PLEKHH2: variants seen among roughly 807,000 people sequenced by gnomAD.
PLEKHH2 encodes the protein pleckstrin homology domain-containing family H member 2.
A neutral mutation model predicts 187.9 loss-of-function variants in PLEKHH2; 129 were observed. That is an observed-to-expected ratio of 0.69 (90% confidence interval 0.59 to 0.79). The LOEUF (loss-of-function observed/expected upper bound fraction) is 0.79. Ranked by LOEUF, PLEKHH2 falls within the 30% of genes least tolerant of loss-of-function variation. PLEKHH2 has a pLI of 0.00. For missense variants in PLEKHH2, 2,076 were observed against 1,751.2 expected (o/e 1.19, Z -3.31); for synonymous variants, 686 against 605.6 (o/e 1.13, Z -1.95).
intron 14 of PLEKHH2, 179 bp from the exon 15 acceptor site, chr2:43,712,046 C>A (rs1470078400): frequency 1.6e-6 from 2 of 1,276,082 alleles, no homozygotes; most frequent in East Asian, 3.0e-5. Context: ...TGCTGTAATT[C>A]TCACAAAGTG....
chr2:43,646,242 T>C (rs1445408557), intron 2 of PLEKHH2, among the ~76,000 whole-genome samples: 1 of 152,130 alleles, frequency 6.6e-6, no homozygotes, highest in African/African-American at 2.4e-5. Context: ...CTAACGTAAC[T>C]TAGTGACTCA....
chr2:43,690,893 A>T (rs988889255), intron 3 of PLEKHH2, among the ~76,000 whole-genome samples: 3 of 152,250 alleles, frequency 2.0e-5, no homozygotes, highest in Non-Finnish European at 4.4e-5. Flanking sequence ...TAAAGGAGAG[A>T]AAAGTGAGAA....
chr2:43,700,604 C>G lies in PLEKHH2; in HGVS notation c.1646C>G (p.Ser549Cys). 6.2e-7 allele frequency: 1 copy of G among 1,604,238 alleles called. No homozygotes were observed. The highest frequency in any genetic ancestry group is 8.5e-7 in the Non-Finnish European group (1 of 1,177,494). The change falls in exon 8 of 30, where the codon TCT (serine) becomes TGT (cysteine). Residue 549 changes from serine to cysteine, a missense_variant. Ser to Cys is a moderately radical substitution (Grantham distance 112, BLOSUM62 -1). Transcript: ENST00000282406. ...ACTCCTCCCCTGCACCGTTTTCCTTCTTGGGTAATTATATCACCGCATGTA... is the reference window on the plus strand; with the variant it reads ...ACTCCTCCCCTGCACCGTTTTCCTTGTTGGGTAATTATATCACCGCATGTA... The part of the protein sequence containing the change: ...PPTPPLHRFP[S>C]WESRIYAVAK...
At chr2:43,679,603 C>T (rs572273223) in intron 3 of PLEKHH2, 15 of 285,988 alleles carry the variant, frequency 5.2e-5, no homozygotes, top group Admixed American at 1.0e-4. Context: ...TCAAGTGATT[C>T]TCCTGCCTCA....
Position 43,710,502 on chromosome 2 carries a change from G to C in PLEKHH2, c.2228G>C (p.Arg743Thr). 1 of 1,587,602 alleles carries C rather than the reference G, an allele frequency of 6.3e-7. No individual in the cohort carries two copies. Among genetic ancestry groups the C allele is most frequent in the South Asian group, 1.2e-5 (1 of 85,480 alleles). The change falls in exon 14 of 30, where the codon AGA becomes ACA. Residue 743 changes from arginine (R) to threonine (T), a missense_variant. Transcript: ENST00000282406. ...TGTTTCATACAGAGTGATGTAATTAGAAAACCCCAGGGCCATATTGAACTT... is the reference window on the plus strand; with the variant it reads ...TGTTTCATACAGAGTGATGTAATTACAAAACCCCAGGGCCATATTGAACTT... ...LYYKSPSDVI[R>T]KPQGHIELSA...
intron 2 of PLEKHH2, among the ~76,000 whole-genome samples, chr2:43,670,153 T>C (rs1004333704): frequency 5.3e-5 from 8 of 152,120 alleles, no homozygotes; most frequent in Admixed American, 3.3e-4. Context: ...AACAAAAACA[T>C]GACCTTTATA....
intron 2 of PLEKHH2, chr2:43,675,772 C>A (rs1558461001): frequency 6.2e-7 from 1 of 1,613,608 alleles, no homozygotes; most frequent in Admixed American, 1.7e-5. Flanking sequence ...TAAGACAATC[C>A]CTCCTTCCAC....
In PLEKHH2 at chr2:43,710,556, A is replaced by G. The variant is rs1174327944; in HGVS notation, c.2282A>G (p.Asp761Gly). ...LSASCSILRG[D>G]NKQTVQLTTE... is the part of the protein sequence containing the mutation. ...GCATCCTGTAGTATTTTAAGAGGAG[A>G]TAACAAACAAACAGTTCAGGTACTT... The change falls in exon 14 of 30, where the codon GAT (aspartate) becomes GGT (glycine). Residue 761 changes from aspartate to glycine, a missense_variant. Coordinates refer to ENST00000282406, the MANE Select transcript of PLEKHH2 (RefSeq NM_172069.4). 3 of 1,593,950 alleles carry G rather than the reference A, an allele frequency of 1.9e-6. No individual in the cohort carries two copies. Among genetic ancestry groups the G allele is most frequent in the Non-Finnish European group, 1.7e-6 (2 of 1,175,276 alleles).
In PLEKHH2 at chr2:43,756,669, C is replaced by T. The variant is rs190869791; in HGVS notation, c.3796-450C>T. ...TTTCAAAATTAGAATTCAAGCCAGG[C>T]GGTGGCTCTGGCTCACGCTTGCAAT... On this transcript the variant is annotated intron_variant, in intron 25 of 29. Transcript: ENST00000282406. 1.4e-4 allele frequency among the ~76,000 whole-genome samples: 21 copies of T among 152,194 alleles called. No homozygotes were observed. The East Asian group carries it at 2.7e-3, about 20-fold the overall frequency.
In PLEKHH2 at chr2:43,644,551, T is replaced by C. The variant is rs932374551; in HGVS notation, c.-3-120T>C. The C allele has an allele frequency of 6.6e-6, 5 of 762,766 alleles. No homozygotes were observed. The Admixed American group carries it at 1.4e-4, about 21-fold the overall frequency. 47.2% of individuals were successfully genotyped at this position (762,766 alleles called of 1,614,324 possible). A position where few individuals can be genotyped will look rare whatever the true frequency, so the allele number is the denominator to read the frequency against. On this transcript the variant is annotated intron_variant, in intron 1 of 29. Coordinates refer to ENST00000282406, the MANE Select transcript of PLEKHH2 (RefSeq NM_172069.4). The stretch of plus-strand genomic sequence containing the variant: ...TTTAAAATTTGTACATGGATCTCAC[T>C]AGACAGTGATTATAATGTGTACATT...
intron 1 of PLEKHH2, among the ~76,000 whole-genome samples, chr2:43,642,389 G>T (rs1319196058): frequency 1.3e-5 from 2 of 152,030 alleles, no homozygotes; most frequent in Non-Finnish European, 2.9e-5. Flanking sequence ...AATTTTCTAT[G>T]CACATGATCA....
chr2:43,730,675 A>C lies in PLEKHH2; in HGVS notation c.2831-815A>C, dbSNP rs191180663. ...CAGCCTCCCAAAGTGCTGGCATTAC[A>C]GGCATGAGCCACTGTGCCTGGCCTG... On this transcript the variant is annotated intron_variant, in intron 18 of 29. Coordinates refer to ENST00000282406, the MANE Select transcript of PLEKHH2 (RefSeq NM_172069.4). 1.9e-3 allele frequency among the ~76,000 whole-genome samples: 294 copies of C among 152,334 alleles called. 3 individuals carry two copies. Among genetic ancestry groups the C allele is most frequent in the Admixed American group, 0.017 (257 of 15,304 alleles).
At chr2:43,651,189 A>G (rs1182684570) in intron 2 of PLEKHH2, among the ~76,000 whole-genome samples, 1 of 152,018 alleles carries the variant, frequency 6.6e-6, no homozygotes, top group African/African-American at 2.4e-5. Context: ...TTTGTTCAGC[A>G]AACATTGAGT....
chr2:43,696,624 A>G (rs1420953472), intron 6 of PLEKHH2, among the ~76,000 whole-genome samples: 1 of 151,620 alleles, frequency 6.6e-6, no homozygotes, highest in Non-Finnish European at 1.5e-5. Context: ...AGCTCTTTAT[A>G]TTGTGGTTAC....
chr2:43,743,840 G>A lies in PLEKHH2; in HGVS notation c.3406G>A (p.Gly1136Ser). The A allele has an allele frequency of 6.2e-7, 1 of 1,612,020 alleles. No homozygotes were observed. The highest frequency in any genetic ancestry group is 8.5e-7 in the Non-Finnish European group (1 of 1,178,498). The change falls in exon 23 of 30, where the codon GGT becomes AGT. Residue 1136 changes from glycine (G) to serine (S), a missense_variant. By Grantham distance (56) the Gly-to-Ser change is moderately conservative (BLOSUM62 0). Coordinates refer to ENST00000282406, the MANE Select transcript of PLEKHH2 (RefSeq NM_172069.4). ...CTTTGTTATTTCTGTCTAGGTAGTTGGTTTTGACGCATCTACCACAGTGGA... is the reference window on the plus strand; with the variant it reads ...CTTTGTTATTTCTGTCTAGGTAGTTAGTTTTGACGCATCTACCACAGTGGA... ...HFMNGIYQVV[G>S]FDASTTVEEF... is the part of the protein sequence containing the mutation.
intron 3 of PLEKHH2, among the ~76,000 whole-genome samples, chr2:43,684,542 C>T (rs62136373): frequency 0.15 from 22,363 of 151,844 alleles, 1,738 homozygotes; most frequent in Middle Eastern, 0.23. Flanking sequence ...CGCCCCCCAC[C>T]GACCCCTGCC....
chr2:43,712,409 G>C, intron 15 of PLEKHH2, 26 bp downstream of exon 15: 1 of 1,604,748 alleles, frequency 6.2e-7, no homozygotes, highest in Non-Finnish European at 8.5e-7. Flanking sequence ...GCATAGCAAT[G>C]TCCCAGGCAG....
chr2:43,754,291 T>G (rs1241033099), intron 25 of PLEKHH2, among the ~76,000 whole-genome samples: 2 of 151,972 alleles, frequency 1.3e-5, no homozygotes, highest in Non-Finnish European at 2.9e-5. Context: ...GTGAAGCCAT[T>G]AGGGTCATGG....
intron 15 of PLEKHH2, among the ~76,000 whole-genome samples, chr2:43,719,287 C>T (rs1392240156): frequency 6.6e-6 from 1 of 152,112 alleles, no homozygotes; most frequent in Non-Finnish European, 1.5e-5. Flanking sequence ...TAACTTAGTA[C>T]CTGATATACA....
Sources: allele counts gnomAD v4.1 joint callset (sites outside exome capture counted in the v4.1 genomes callset), GRCh38; gene constraint gnomAD v4.1.1; transcripts MANE v1.5; gene names NCBI Gene and HGNC (gene_info 2026-07-23, HGNC 2026-07-21).